Variants in CGNL1 observed in about 807,000 individuals in gnomAD.
The protein encoded by CGNL1 is cingulin-like protein 1.
Under a neutral mutation model 141.2 loss-of-function variants are expected in CGNL1, and 132 were observed. The ratio of observed to expected loss-of-function variants is 0.93; its 90% CI spans 0.81 to 1.08. The LOEUF (loss-of-function observed/expected upper bound fraction) is 1.08. Among genes scored for constraint, CGNL1 ranks in the 50% least tolerant of loss-of-function variants. The probability of loss-of-function intolerance (pLI) is 0.00; values close to 1 mark genes in which losing one functional copy is unlikely to be tolerated. For synonymous variants in CGNL1, 690 were observed against 622.1 expected (o/e 1.11, Z -1.63); for missense variants, 1,870 against 1,588.6 (o/e 1.18, Z -3.01).
chr15:57,422,065 C>T (rs975072020), intron 1 of CGNL1, among the ~76,000 whole-genome samples: 6 of 151,722 alleles, frequency 4.0e-5, no homozygotes, highest in Non-Finnish European at 8.8e-5. Flanking sequence ...GCCTAGCTGA[C>T]CAAATGAAGT....
At chr15:57,479,356 C>A (rs1300943101) in intron 8 of CGNL1, among the ~76,000 whole-genome samples, 3 of 152,108 alleles carry the variant, frequency 2.0e-5, no homozygotes, top group Non-Finnish European at 2.9e-5. Context: ...GCAATAGAAA[C>A]AATCAGCATT....
At chr15:57,538,487 G>A (rs2032386856) in intron 14 of CGNL1, among the ~76,000 whole-genome samples, 1 of 152,074 alleles carries the variant, frequency 6.6e-6, no homozygotes, top group Non-Finnish European at 1.5e-5. Flanking sequence ...CCCCTTTGGA[G>A]AGTCACCATT....
chr15:57,445,859 C>T (rs181400339), intron 4 of CGNL1, among the ~76,000 whole-genome samples: 3 of 152,130 alleles, frequency 2.0e-5, no homozygotes, highest in East Asian at 1.9e-4. Flanking sequence ...ATGTTATTTT[C>T]ATGGAAGAAG....
chr15:57,462,132 GA>G (rs1338096314), intron 8 of CGNL1, among the ~76,000 whole-genome samples: 23 of 152,316 alleles, frequency 1.5e-4, no homozygotes, highest in African/African-American at 5.5e-4. Flanking sequence ...CAGAGGGGGA[GA>G]TGAAGAAGCT....
chr15:57,454,834 A>T (rs923917839), intron 7 of CGNL1, among the ~76,000 whole-genome samples: 1 of 152,190 alleles, frequency 6.6e-6, no homozygotes, highest in African/African-American at 2.4e-5. Context: ...GCTCAGAGTT[A>T]CAAAGACAAG....
In CGNL1 at chr15:57,411,847, A is replaced by G. The variant is rs2062792081; in HGVS notation, c.-15-26138A>G. Among the ~76,000 whole-genome samples, 4 of 152,018 alleles carry G rather than the reference A, an allele frequency of 2.6e-5. No homozygotes were observed. The South Asian group carries it at 8.3e-4, about 32-fold the overall frequency. ...CTGTATAGAGCTTCTTAATATCTTAAAAAACCTCACTGAGAGCCTTGGTGC... is the reference window on the plus strand; with the variant it reads ...CTGTATAGAGCTTCTTAATATCTTAGAAAACCTCACTGAGAGCCTTGGTGC... On this transcript the variant is annotated intron_variant, in intron 1 of 18. Coordinates refer to ENST00000281282, the MANE Select transcript of CGNL1 (RefSeq NM_032866.5).
chr15:57,408,187 G>A (rs1483467729), intron 1 of CGNL1, among the ~76,000 whole-genome samples: 3 of 152,130 alleles, frequency 2.0e-5, no homozygotes, highest in Non-Finnish European at 4.4e-5. Flanking sequence ...GAAGAAAATA[G>A]TCTATCCCAC....
intron 8 of CGNL1, among the ~76,000 whole-genome samples, chr15:57,512,911 C>T (rs1444231216): frequency 1.3e-5 from 2 of 152,004 alleles, no homozygotes; most frequent in Non-Finnish European, 2.9e-5. Context: ...TCCACCATCC[C>T]TACTCCAGCC....
chr15:57,520,712 A>G (rs11857629), intron 10 of CGNL1, among the ~76,000 whole-genome samples: 63,266 of 152,058 alleles, frequency 0.42, 13,235 homozygotes, highest in South Asian at 0.45. Context: ...CAGTGCATAC[A>G]TTATTCCTAG....
chr15:57,389,735 T>A (rs1445812797), intron 1 of CGNL1, among the ~76,000 whole-genome samples: 1 of 152,246 alleles, frequency 6.6e-6, no homozygotes, highest in Non-Finnish European at 1.5e-5. Flanking sequence ...CAAACTTAGT[T>A]ATATTTGCTC....
chr15:57,534,616 T>G (rs927050841), intron 14 of CGNL1, among the ~76,000 whole-genome samples: 1 of 152,238 alleles, frequency 6.6e-6, no homozygotes, highest in Non-Finnish European at 1.5e-5. Context: ...TAGGGCCGTG[T>G]GCCTGTGCTT....
chr15:57,450,441 T>A (rs2063308998), intron 4 of CGNL1, among the ~76,000 whole-genome samples: 1 of 152,178 alleles, frequency 6.6e-6, no homozygotes, highest in African/African-American at 2.4e-5. Context: ...TACGCCCGGC[T>A]AATTTTTGTA....
intron 1 of CGNL1, among the ~76,000 whole-genome samples, chr15:57,399,983 C>T (rs1374691230): frequency 7.0e-6 from 1 of 143,296 alleles, no homozygotes; most frequent in Non-Finnish European, 1.5e-5. Flanking sequence ...ATAGAAATTG[C>T]TGTATTTCTA....
intron 8 of CGNL1, among the ~76,000 whole-genome samples, chr15:57,516,370 C>A (rs2030797673): frequency 6.6e-6 from 1 of 152,018 alleles, no homozygotes; most frequent in South Asian, 2.1e-4. Context: ...AGAATAGCAC[C>A]CGCCTTCTGG....
Position 57,438,889 on chromosome 15 carries a change from C to T in CGNL1, c.890C>T (p.Ser297Phe). ...GATGGAGCTCGGTCCCGGAGGTCCTCCTCGTCATCCACAACTCCCACGTCA... is the reference window on the plus strand; with the variant it reads ...GATGGAGCTCGGTCCCGGAGGTCCTTCTCGTCATCCACAACTCCCACGTCA... ...VLDGARSRRS[S>F]SSSTTPTSAN... Residue 297 changes from serine to phenylalanine, a missense_variant, in exon 2 of 19, where the codon TCC (serine) becomes TTC (phenylalanine). Transcript: ENST00000281282. 2 of 1,614,206 alleles carry T rather than the reference C, an allele frequency of 1.2e-6. No homozygotes were observed. The highest frequency in any genetic ancestry group is 1.7e-6 in the Non-Finnish European group (2 of 1,180,036).
chr15:57,460,748 C>T (rs2063435608), intron 7 of CGNL1, among the ~76,000 whole-genome samples: 1 of 152,140 alleles, frequency 6.6e-6, no homozygotes, highest in South Asian at 2.1e-4. Context: ...CACAGTGTCC[C>T]CCCCTTGACA....
intron 1 of CGNL1, among the ~76,000 whole-genome samples, chr15:57,425,435 T>A (rs1219865108): frequency 2.6e-5 from 4 of 151,944 alleles, no homozygotes; most frequent in Non-Finnish European, 4.4e-5. Flanking sequence ...TTCAAGAGAG[T>A]GAAATTTTAA....
In CGNL1 at chr15:57,546,085, C is replaced by A. The variant is rs1305435252; in HGVS notation, c.3619C>A (p.Arg1207Ser). ...TTCTCTCCCGGTGCAGCTGAGCTTG[C>A]GTTTGAAAGCCATGAAGCGGCAGGT... ...LTDQKDQLSL[R>S]LKAMKRQVEE... Residue 1207 changes from arginine to serine, a missense_variant, in exon 18 of 19, where the codon CGT becomes AGT. Transcript: ENST00000281282. The A allele has an allele frequency of 1.2e-6, 2 of 1,612,688 alleles. No individual in the cohort carries two copies. Among genetic ancestry groups the A allele is most frequent in the Non-Finnish European group, 1.7e-6 (2 of 1,179,394 alleles).
chr15:57,528,897 GCTCAGC>G, intron 13 of CGNL1, 82 bp downstream of exon 13: 2 of 1,458,784 alleles, frequency 1.4e-6, no homozygotes, highest in Non-Finnish European at 1.9e-6. Context: ...TTTGCTCTCA[GCTCAGC>G]CTTTGGGAAG....
Sources: allele counts gnomAD v4.1 joint callset (sites outside exome capture counted in the v4.1 genomes callset), GRCh38; gene constraint gnomAD v4.1.1; transcripts MANE v1.5; gene names NCBI Gene and HGNC (gene_info 2026-07-23, HGNC 2026-07-21).